TACR1: variants seen among roughly 807,000 people sequenced by gnomAD.
The protein encoded by TACR1 is substance-P receptor.
In TACR1, 25 loss-of-function variants were observed where a neutral mutation model predicts 35.8. The observed-to-expected ratio is 0.70, with a 90% confidence interval of 0.51 to 0.98. The LOEUF (loss-of-function observed/expected upper bound fraction) is 0.98, where lower values mean the gene tolerates loss of function less well. Among genes scored for constraint, TACR1 ranks in the 50% least tolerant of loss-of-function variants. TACR1 has a pLI of 0.00. For synonymous variants in TACR1, 195 were observed against 206.7 expected (o/e 0.94, Z 0.48); for missense variants, 478 against 522.9 (o/e 0.91, Z 0.84).
rs920191516 is a variant in TACR1 at position 75,116,680 on chromosome 2, C to T, written c.584+3894G>A. ...TCCCAGCACTTTGGGAGGGCAAGGC[C>T]GGCGGATCACCTGAGGTCAGGAGTT... is the stretch of plus-strand genomic sequence containing the variant. On this transcript the variant is annotated intron_variant, in intron 2 of 4. Transcript: ENST00000305249. Among the ~76,000 whole-genome samples, 7 of 151,878 alleles carry T rather than the reference C, an allele frequency of 4.6e-5. No individual in the cohort carries two copies. In the East Asian group the frequency reaches 5.8e-4, roughly 13 times the overall value.
intron 2 of TACR1, among the ~76,000 whole-genome samples, 161 bp from the exon 3 acceptor site, chr2:75,053,916 C>T (rs1383332188): frequency 6.6e-6 from 1 of 152,196 alleles, no homozygotes; most frequent in Non-Finnish European, 1.5e-5. Flanking sequence ...GACTTGTCAC[C>T]TGCATAGGGT....
intron 1 of TACR1, among the ~76,000 whole-genome samples, chr2:75,190,690 T>C (rs566157057): frequency 9.9e-5 from 15 of 152,258 alleles, no homozygotes; most frequent in Non-Finnish European, 2.2e-4. Flanking sequence ...ATTATAACCA[T>C]TTTATCAGTT....
chr2:75,154,942 C>G (rs1392638222), intron 1 of TACR1, among the ~76,000 whole-genome samples: 1 of 152,174 alleles, frequency 6.6e-6, no homozygotes, highest in Non-Finnish European at 1.5e-5. Flanking sequence ...AGCTGCCTTT[C>G]TCCTCCAGAT....
At chr2:75,063,810 A>C (rs1348509791) in intron 2 of TACR1, among the ~76,000 whole-genome samples, 1 of 152,244 alleles carries the variant, frequency 6.6e-6, no homozygotes, top group Non-Finnish European at 1.5e-5. Context: ...TAATCGTTGA[A>C]CAAATGAACC....
chr2:75,103,292 G>A (rs1168637271), intron 2 of TACR1, among the ~76,000 whole-genome samples: 1 of 152,072 alleles, frequency 6.6e-6, no homozygotes, highest in African/African-American at 2.4e-5. Context: ...GCATCCTGTA[G>A]TAGCACAAAG....
intron 1 of TACR1, among the ~76,000 whole-genome samples, chr2:75,133,549 T>C (rs1674219089): frequency 1.3e-5 from 2 of 152,128 alleles, no homozygotes; most frequent in African/African-American, 2.4e-5. Context: ...GATGAGGAAA[T>C]TGAGACACAG....
intron 1 of TACR1, chr2:75,189,168 T>A (rs1253177142): frequency 1.3e-5 from 2 of 152,180 alleles, no homozygotes; most frequent in Non-Finnish European, 2.9e-5. Context: ...CAAAACTCGA[T>A]TTCAGTGGAA....
intron 2 of TACR1, among the ~76,000 whole-genome samples, chr2:75,109,266 C>G (rs1446184192): frequency 1.3e-5 from 2 of 152,054 alleles, no homozygotes; most frequent in African/African-American, 4.8e-5. Context: ...AGACATGAAC[C>G]GTAATGACTA....
chr2:75,117,177 T>A (rs574718952), intron 2 of TACR1, among the ~76,000 whole-genome samples: 1 of 151,486 alleles, frequency 6.6e-6, no homozygotes, highest in East Asian at 1.9e-4. Flanking sequence ...GAAGCCCATG[T>A]TCAAAACCTT....
intron 1 of TACR1, among the ~76,000 whole-genome samples, chr2:75,166,983 G>A (rs1490312303): frequency 6.6e-6 from 1 of 152,080 alleles, no homozygotes; most frequent in Non-Finnish European, 1.5e-5. Context: ...TTACTAAATA[G>A]ATAGCAAACA....
In TACR1 at chr2:75,178,298, T is replaced by A. The variant is rs111729459; in HGVS notation, c.389+20248A>T. The stretch of plus-strand genomic sequence containing the variant: ...CTCCTGGGTTCAAGCGATTCTCCTG[T>A]CTCAGCCTCCCAAGTAGCTGGGATT... On this transcript the variant is annotated intron_variant, in intron 1 of 4. Coordinates refer to ENST00000305249, the MANE Select transcript of TACR1 (RefSeq NM_001058.4). Among the ~76,000 whole-genome samples, 966 of 151,908 alleles carry A rather than the reference T, an allele frequency of 6.4e-3. 5 individuals are homozygous for A. The highest frequency in any genetic ancestry group is 0.023 in the African/African-American group (941 of 41,444).
At chr2:75,131,519 G>A (rs1406589880) in intron 1 of TACR1, among the ~76,000 whole-genome samples, 1 of 152,028 alleles carries the variant, frequency 6.6e-6, no homozygotes, top group Non-Finnish European at 1.5e-5. Flanking sequence ...ATTTGTTTTG[G>A]TACTAATATG....
At chr2:75,080,257 C>T (rs1469844391) in intron 2 of TACR1, among the ~76,000 whole-genome samples, 1 of 152,096 alleles carries the variant, frequency 6.6e-6, no homozygotes, top group Non-Finnish European at 1.5e-5. Flanking sequence ...AAATGCAGTG[C>T]TCAGTCACTC....
intron 2 of TACR1, among the ~76,000 whole-genome samples, chr2:75,081,586 T>C (rs916655604): frequency 1.3e-5 from 2 of 151,898 alleles, no homozygotes; most frequent in Non-Finnish European, 2.9e-5. Context: ...CCCCTCTAGG[T>C]TGGGGGCAGA....
At chr2:75,058,624 A>C (rs1010992376) in intron 2 of TACR1, among the ~76,000 whole-genome samples, 3 of 152,370 alleles carry the variant, frequency 2.0e-5, no homozygotes, top group South Asian at 4.1e-4. Context: ...TTTGATCATT[A>C]AATCCTGCTG....
intron 2 of TACR1, among the ~76,000 whole-genome samples, chr2:75,116,891 CAA>C (rs748465334): frequency 6.6e-5 from 10 of 150,800 alleles, no homozygotes; most frequent in South Asian, 2.1e-4. Flanking sequence ...GCCTGGGAAA[CAA>C]GAGTGAAACT....
At chr2:75,079,866 T>G (rs1226956474) in intron 2 of TACR1, among the ~76,000 whole-genome samples, 4 of 151,972 alleles carry the variant, frequency 2.6e-5, no homozygotes, top group African/African-American at 9.7e-5. Flanking sequence ...TGTTGGTCTT[T>G]GGAGTTATCT....
intron 2 of TACR1, among the ~76,000 whole-genome samples, chr2:75,066,008 G>A (rs1278220376): frequency 6.6e-6 from 1 of 152,156 alleles, no homozygotes; most frequent in Non-Finnish European, 1.5e-5. Flanking sequence ...CTCTCAACAA[G>A]ACAAATCTTA....
chr2:75,094,982 A>G (rs941368851), intron 2 of TACR1, among the ~76,000 whole-genome samples: 11 of 151,868 alleles, frequency 7.2e-5, no homozygotes, highest in African/African-American at 2.7e-4. Context: ...AGCTACAGTA[A>G]GTATGAGAGT....
Sources: allele counts gnomAD v4.1 joint callset (sites outside exome capture counted in the v4.1 genomes callset), GRCh38; gene constraint gnomAD v4.1.1; transcripts MANE v1.5; gene names NCBI Gene and HGNC (gene_info 2026-07-23, HGNC 2026-07-21).